Variants in OCIAD1 observed in about 807,000 individuals in gnomAD.
OCIAD1 encodes OCIA domain containing 1.
OCIAD1 carries 29 observed loss-of-function variants against 38.9 expected under a neutral mutation model. The ratio of observed to expected loss-of-function variants is 0.74; its 90% confidence interval spans 0.55 to 1.02. The LOEUF (loss-of-function observed/expected upper bound fraction) is 1.02. OCIAD1 is among the 50% of genes least tolerant of loss of function. OCIAD1 has a pLI of 0.00. For missense variants in OCIAD1, 288 were observed against 289.6 expected (o/e 0.99, Z 0.04); for synonymous variants, 110 against 92.0 (o/e 1.20, Z -1.12).
At chr4:48,820,369 A>G (rs1455470452) in intron 1 of OCIAD1, among the ~76,000 whole-genome samples, 1 of 152,250 alleles carries the variant, frequency 6.6e-6, no homozygotes, top group East Asian at 1.9e-4. Context: ...CAAAGAAACA[A>G]CATACTAGAA....
intron 1 of OCIAD1, among the ~76,000 whole-genome samples, chr4:48,811,845 TGAAAA>T (rs1455697601): frequency 6.6e-6 from 1 of 152,084 alleles, no homozygotes; most frequent in African/African-American, 2.4e-5. Flanking sequence ...TGAGGAAGAC[TGAAAA>T]GAAAAGTTTC....
At chr4:48,816,128 G>A (rs1422036488) in intron 1 of OCIAD1, among the ~76,000 whole-genome samples, 1 of 152,048 alleles carries the variant, frequency 6.6e-6, no homozygotes, top group Non-Finnish European at 1.5e-5. Flanking sequence ...ACACAGGATG[G>A]GTAAGCCCTT....
chr4:48,827,293 A>C (rs1379521319), upstream of OCIAD1, among the ~76,000 whole-genome samples: 1 of 152,108 alleles, frequency 6.6e-6, no homozygotes, highest in Non-Finnish European at 1.5e-5. Context: ...TTATCCCTTT[A>C]TTATTAATTT....
At chr4:48,812,739 G>C (rs1282277694) in intron 1 of OCIAD1, among the ~76,000 whole-genome samples, 1 of 152,188 alleles carries the variant, frequency 6.6e-6, no homozygotes, top group African/African-American at 2.4e-5. Flanking sequence ...AGGAAGTAGA[G>C]ATAATTCTTT....
intron 1 of OCIAD1, among the ~76,000 whole-genome samples, chr4:48,808,713 G>A (rs967556607): frequency 6.6e-6 from 1 of 152,148 alleles, no homozygotes; most frequent in African/African-American, 2.4e-5. Flanking sequence ...CCAGCCTCCA[G>A]AACTATATGA....
chr4:48,816,002 A>G (rs1777138724), intron 1 of OCIAD1, among the ~76,000 whole-genome samples: 1 of 151,908 alleles, frequency 6.6e-6, no homozygotes, highest in Admixed American at 6.6e-5. Context: ...CTTCAATTCC[A>G]TTGCCAATAA....
At chr4:48,825,198 C>T (rs1777236955) in intron 1 of OCIAD1, among the ~76,000 whole-genome samples, 1 of 152,194 alleles carries the variant, frequency 6.6e-6, no homozygotes. Context: ...GGGCTTGCTC[C>T]TTGGGGTTAC....
chr4:48,850,217 T>C, intron 6 of OCIAD1, 135 bp downstream of exon 6: 1 of 873,614 alleles, frequency 1.1e-6, no homozygotes, highest in Non-Finnish European at 1.8e-6. Flanking sequence ...TAAAAGTAAT[T>C]TGCTTCAAAA....
intron 1 of OCIAD1, among the ~76,000 whole-genome samples, chr4:48,824,746 T>C (rs1156824259): frequency 6.6e-6 from 1 of 151,988 alleles, no homozygotes; most frequent in Non-Finnish European, 1.5e-5. Context: ...AAATGAACTT[T>C]TTTGTTTTAG....
chr4:48,830,137 G>A (rs1412997697), upstream of OCIAD1, among the ~76,000 whole-genome samples: 1 of 152,218 alleles, frequency 6.6e-6, no homozygotes, highest in Non-Finnish European at 1.5e-5. Context: ...AGAAGAAAGT[G>A]ACGCTCAAAA....
rs377638019 is a variant in OCIAD1 at position 48,833,450 on chromosome 4, A to G, written c.108A>G (p.Ala36=). The G allele has an allele frequency of 1.8e-5, 29 of 1,606,972 alleles. No homozygotes were observed. In the African/African-American group the frequency reaches 2.8e-4, roughly 16 times the overall value. The change falls in exon 3 of 9, where the codon GCA becomes GCG. Residue 36 remains alanine (A), a synonymous_variant. Coordinates refer to ENST00000264312, the MANE Select transcript of OCIAD1 (RefSeq NM_017830.4). ...CAGAGGAAGAAAGGAGAGTCTTCGC[A>G]GAATGCAATGATGAAAGCTTCTGGT... ...IPTEEERRVF[A]ECNDESFWFR... is the part of the protein sequence containing the mutation.
chr4:48,852,976 A>G (rs1579106170), intron 7 of OCIAD1, among the ~76,000 whole-genome samples: 1 of 134,222 alleles, frequency 7.5e-6, no homozygotes, highest in Non-Finnish European at 1.5e-5. Flanking sequence ...CCGCCCCCCC[A>G]GCTTCACGCC....
chr4:48,809,466 C>T (rs533377230), intron 1 of OCIAD1, among the ~76,000 whole-genome samples: 31 of 152,022 alleles, frequency 2.0e-4, no homozygotes, highest in African/African-American at 5.5e-4. Flanking sequence ...GTGGAGGTTG[C>T]GGTGAGTCAA....
In OCIAD1 at chr4:48,850,075, C is replaced by G; in HGVS notation, c.370C>G (p.Pro124Ala). ...ATCAGGACAAGCACGACGATCTTCA[C>G]CACCTGGGTAGGCCAGATTCTGATC... ...LRSGQARRSS[P>A]PGHYYQKSKY... Residue 124 changes from proline (P) to alanine (A), a missense_variant, in exon 6 of 9, where the codon CCA (proline) becomes GCA (alanine). Physicochemically the swap from Pro to Ala is conservative, Grantham distance 27. Transcript: ENST00000264312. 21 of 1,611,400 alleles carry G rather than the reference C, an allele frequency of 1.3e-5. No individual in the cohort carries two copies. Among genetic ancestry groups the G allele is most frequent in the Non-Finnish European group, 1.5e-5 (18 of 1,179,356 alleles).
intron 1 of OCIAD1, among the ~76,000 whole-genome samples, chr4:48,823,828 T>TTTTTG: frequency 7.3e-6 from 1 of 136,462 alleles, no homozygotes; most frequent in Non-Finnish European, 1.6e-5. Context: ...GCCTGGCTTT[T>TTTTTG]TTTTTTTTTT....
intron 1 of OCIAD1, among the ~76,000 whole-genome samples, chr4:48,805,678 C>A (rs74557669): frequency 0.019 from 2,830 of 150,294 alleles, 29 homozygotes; most frequent in Middle Eastern, 0.039. Context: ...AGCAAGACCC[C>A]CATCTCTTAA....
chr4:48,832,039 A>G (rs1021310962), intron 1 of OCIAD1, among the ~76,000 whole-genome samples: 2 of 152,170 alleles, frequency 1.3e-5, no homozygotes, highest in African/African-American at 2.4e-5. Flanking sequence ...TTTTTCTTAT[A>G]TTCTTGGGGT....
At position 48,848,417 on chromosome 4, in the gene OCIAD1, C is replaced by A; in HGVS notation, c.212C>A (p.Pro71His). 6.6e-7 allele frequency: 1 copy of A among 1,507,024 alleles called. No individual in the cohort carries two copies. Among genetic ancestry groups the A allele is most frequent in the South Asian group, 1.1e-5 (1 of 87,196 alleles). 93.4% of individuals were successfully genotyped at this position (1,507,024 alleles called of 1,614,324 possible). Residue 71 changes from proline to histidine, a missense_variant, in exon 5 of 9, where the codon CCC becomes CAC. Pro to His is a moderately conservative substitution (Grantham distance 77). Transcript: ENST00000264312. ...TCTTTAGGAATACTTTCAAGTCATC[C>A]CAAATATGGTTCCATCCCTAAACTT... is the stretch of plus-strand genomic sequence containing the variant. ...LISKGILSSH[P>H]KYGSIPKLIL...
chr4:48,834,143 G>A (rs192595334), intron 3 of OCIAD1, among the ~76,000 whole-genome samples: 54 of 152,184 alleles, frequency 3.5e-4, no homozygotes, highest in Admixed American at 3.4e-3. Flanking sequence ...GTCCTTTCAG[G>A]TAAAAAGGAG....
Sources: gnomAD v4.1 joint callset for allele counts (sites outside exome capture counted in the v4.1 genomes callset) on GRCh38, gnomAD v4.1.1 for gene constraint, MANE v1.5 for transcripts, NCBI Gene and HGNC (gene_info 2026-07-23, HGNC 2026-07-21) for gene names.